The following NR2C2 variants were observed in gnomAD, a reference collection of about 807,000 sequenced individuals.
NR2C2 encodes the protein Nuclear hormone receptor TR4.
A neutral mutation model predicts 62.9 loss-of-function variants in NR2C2; 6 were observed. The observed-to-expected ratio is 0.10, with a 90% confidence interval of 0.05 to 0.19. The LOEUF (loss-of-function observed/expected upper bound fraction) is 0.19. NR2C2 is among the 10% of genes least tolerant of loss of function. The pLI is 1.00. For missense variants in NR2C2, 479 were observed against 762.7 expected, an observed-to-expected ratio of 0.63 and a Z score of 4.38; for synonymous variants, 272 against 273.8, an observed-to-expected ratio of 0.99 and a Z score of 0.07.
intron 5 of NR2C2, among the ~76,000 whole-genome samples, chr3:15,021,352 C>T (rs2041663334): frequency 6.6e-6 from 1 of 152,228 alleles, no homozygotes; most frequent in African/African-American, 2.4e-5. Context: ...CATGAGCCTA[C>T]TCCCTGTCTT....
intron 9 of NR2C2, 103 bp from the exon 10 acceptor site, chr3:15,032,276 T>C (rs796218044): frequency 6.6e-7 from 1 of 1,511,996 alleles, no homozygotes; most frequent in Non-Finnish European, 9.1e-7. Flanking sequence ...ACAGCAACTC[T>C]AGATGCCACT....
intron 12 of NR2C2, chr3:15,038,791 A>C (rs1013693013): frequency 9.4e-6 from 2 of 212,970 alleles, no homozygotes; most frequent in African/African-American, 4.6e-5. Context: ...ATTATTTAGA[A>C]AGTAAATGAC....
chr3:14,958,738 A>G (rs914204911), intron 1 of NR2C2, among the ~76,000 whole-genome samples: 6 of 152,174 alleles, frequency 3.9e-5, no homozygotes, highest in Admixed American at 2.0e-4. Flanking sequence ...AGCACTTTGG[A>G]AGGCTGAGGC....
chr3:14,995,985 C>G (rs1489846223), intron 1 of NR2C2, among the ~76,000 whole-genome samples: 2 of 152,108 alleles, frequency 1.3e-5, no homozygotes, highest in African/African-American at 4.8e-5. Context: ...GGAGACATGT[C>G]TGTTCAATCC....
intron 2 of NR2C2, among the ~76,000 whole-genome samples, chr3:15,012,397 TG>T (rs2041381295): frequency 6.6e-6 from 1 of 152,166 alleles, no homozygotes; most frequent in Non-Finnish European, 1.5e-5. Flanking sequence ...AGCTAATTTT[TG>T]TATTTTTAGT....
intron 2 of NR2C2, among the ~76,000 whole-genome samples, chr3:15,012,477 C>T (rs2041383266): frequency 6.6e-6 from 1 of 152,174 alleles, no homozygotes; most frequent in Non-Finnish European, 1.5e-5. Context: ...CCTCCCACCT[C>T]GGCCTCCCAG....
At chr3:15,010,731 C>A (rs1008028627) in intron 2 of NR2C2, among the ~76,000 whole-genome samples, 1 of 150,124 alleles carries the variant, frequency 6.7e-6, no homozygotes, top group South Asian at 2.1e-4. Flanking sequence ...AAAAAAAATT[C>A]TGAGCCTTGA....
chr3:14,973,977 A>G (rs2040127376), intron 1 of NR2C2, among the ~76,000 whole-genome samples: 3 of 152,216 alleles, frequency 2.0e-5, no homozygotes, highest in African/African-American at 4.8e-5. Context: ...ATCAAGTCAG[A>G]GACCGTCTCT....
intron 1 of NR2C2, among the ~76,000 whole-genome samples, chr3:14,964,566 G>T (rs2039785590): frequency 6.6e-6 from 1 of 151,684 alleles, no homozygotes; most frequent in African/African-American, 2.4e-5. Context: ...CGAGGCTATT[G>T]TGCAGTGGTG....
chr3:14,985,324 A>T (rs1416455160), intron 1 of NR2C2, among the ~76,000 whole-genome samples: 1 of 151,932 alleles, frequency 6.6e-6, no homozygotes, highest in Non-Finnish European at 1.5e-5. Flanking sequence ...TCATGCTTTT[A>T]ATGTCATATT....
intron 1 of NR2C2, among the ~76,000 whole-genome samples, chr3:14,954,274 A>G (rs2039460184): frequency 1.3e-5 from 2 of 152,200 alleles, no homozygotes; most frequent in African/African-American, 2.4e-5. Context: ...TTTTAAAAAT[A>G]AAATAAATTT....
intron 2 of NR2C2, among the ~76,000 whole-genome samples, chr3:15,005,319 T>TGGGAC (rs1249322823): frequency 6.7e-6 from 1 of 149,948 alleles, no homozygotes; most frequent in Non-Finnish European, 1.5e-5. Flanking sequence ...CCCAAGTAGC[T>TGGGAC]GGGACTACAG....
intron 1 of NR2C2, among the ~76,000 whole-genome samples, chr3:14,978,832 A>G (rs188465476): frequency 6.6e-6 from 1 of 152,252 alleles, no homozygotes; most frequent in East Asian, 1.9e-4. Flanking sequence ...CTTTGGTTCA[A>G]GTTATCCACA....
At chr3:14,949,607 C>G (rs1365036268) in intron 1 of NR2C2, among the ~76,000 whole-genome samples, 1 of 152,224 alleles carries the variant, frequency 6.6e-6, no homozygotes, top group Non-Finnish European at 1.5e-5. Flanking sequence ...CAGAAACTCA[C>G]TTTACTTCCA....
chr3:15,022,673 C>T (rs961770665), intron 5 of NR2C2, among the ~76,000 whole-genome samples: 1 of 151,948 alleles, frequency 6.6e-6, no homozygotes, highest in Non-Finnish European at 1.5e-5. Context: ...GAGCCACCAC[C>T]CCCGGCCCAA....
At chr3:15,024,942 CAG>C (rs1302530442) in intron 7 of NR2C2, among the ~76,000 whole-genome samples, 1 of 152,220 alleles carries the variant, frequency 6.6e-6, no homozygotes, top group Non-Finnish European at 1.5e-5. Context: ...TGGGTGTACT[CAG>C]GGCATTACAG....
intron 1 of NR2C2, among the ~76,000 whole-genome samples, chr3:14,974,886 G>T (rs1348048802): frequency 3.9e-5 from 6 of 152,168 alleles, no homozygotes; most frequent in Admixed American, 3.9e-4. Flanking sequence ...TTACAGGTGT[G>T]AGCCTCTGCG....
intron 11 of NR2C2, among the ~76,000 whole-genome samples, chr3:15,037,070 C>T (rs2042121513): frequency 6.7e-5 from 10 of 149,886 alleles, no homozygotes. Flanking sequence ...TGCAGTGAGC[C>T]AAGATTGTGT....
At chr3:14,964,998 T>G (rs2039798324) in intron 1 of NR2C2, among the ~76,000 whole-genome samples, 1 of 152,096 alleles carries the variant, frequency 6.6e-6, no homozygotes, top group African/African-American at 2.4e-5. Context: ...TCACTCAGAC[T>G]GGGATAATTT....
Sources: allele counts gnomAD v4.1 joint callset (sites outside exome capture counted in the v4.1 genomes callset), GRCh38; gene constraint gnomAD v4.1.1; transcripts MANE v1.5; gene names NCBI Gene and HGNC (gene_info 2026-07-23, HGNC 2026-07-21).